DAP3: variants seen among roughly 807,000 people sequenced by gnomAD.
DAP3 encodes death associated protein 3, also known as small ribosomal subunit protein mS29.
DAP3 carries 28 observed loss-of-function variants against 51.9 expected under a neutral mutation model. The observed-to-expected ratio is 0.54, with a 90% CI of 0.40 to 0.74. The LOEUF (loss-of-function observed/expected upper bound fraction) is 0.74, where lower values mean the gene tolerates loss of function less well. Ranked by LOEUF, DAP3 falls within the 30% of genes least tolerant of loss-of-function variation. The pLI is 0.00. For missense variants in DAP3, 458 were observed against 483.5 expected (o/e 0.95, Z 0.49); for synonymous variants, 170 against 170.3 (o/e 1.00, Z 0.01).
chr1:155,688,437 GT>G, upstream of DAP3: 1 of 1,547,780 alleles, frequency 6.5e-7, no homozygotes. Flanking sequence ...CTTCCCCACG[GT>G]CCCCCGCTTC....
chr1:155,688,750 GC>G, upstream of DAP3: 1 of 1,518,016 alleles, frequency 6.6e-7, no homozygotes, highest in Non-Finnish European at 8.8e-7. Flanking sequence ...CGCCAAAGCA[GC>G]CGCCGCCAGC....
At chr1:155,730,371 C>T (rs1659115021) in intron 9 of DAP3, among the ~76,000 whole-genome samples, 1 of 151,722 alleles carries the variant, frequency 6.6e-6, no homozygotes. Flanking sequence ...TTTAGGAGGC[C>T]AAGAGGTGAT....
intron 1 of DAP3, among the ~76,000 whole-genome samples, chr1:155,692,353 C>G (rs1248022918): frequency 7.1e-6 from 1 of 141,722 alleles, no homozygotes; most frequent in Admixed American, 6.6e-5. Flanking sequence ...TGCAGGCACC[C>G]TGTAAGCCTT....
intron 1 of DAP3, among the ~76,000 whole-genome samples, chr1:155,708,041 A>T (rs1258204749): frequency 1.3e-5 from 2 of 151,688 alleles, no homozygotes; most frequent in Non-Finnish European, 2.9e-5. Context: ...TACATGTAGA[A>T]GTTTTGGTTT....
intron 12 of DAP3, 98 bp from the exon 13 acceptor site, chr1:155,738,059 C>A: frequency 8.8e-7 from 1 of 1,132,108 alleles, no homozygotes; most frequent in Non-Finnish European, 1.3e-6. Context: ...TACCTCAGAA[C>A]GTAATTTGGA....
At chr1:155,687,986 G>T, upstream of DAP3, 1 of 1,425,804 alleles carries the variant, frequency 7.0e-7, no homozygotes, top group Non-Finnish European at 9.5e-7. Flanking sequence ...AGGTCCGGGA[G>T]ATGACAGTGG....
At chr1:155,709,685 C>T (rs1304944045) in intron 1 of DAP3, 88 bp from the exon 2 acceptor site, 1 of 1,039,128 alleles carries the variant, frequency 9.6e-7, no homozygotes, top group Non-Finnish European at 1.4e-6. Flanking sequence ...GATTATTAAT[C>T]CCTATTAATC....
chr1:155,688,893 T>A, upstream of DAP3: 1 of 1,612,328 alleles, frequency 6.2e-7, no homozygotes, highest in Non-Finnish European at 8.5e-7. Flanking sequence ...TTGACTGGAA[T>A]TGCCAGGGTG....
At chr1:155,688,728 G>A, upstream of DAP3, 1 of 1,517,284 alleles carries the variant, frequency 6.6e-7, no homozygotes, top group South Asian at 1.2e-5. Flanking sequence ...CGCCCGCACG[G>A]CCACCAACCG....
chr1:155,688,340 C>G, upstream of DAP3: 2 of 1,549,874 alleles, frequency 1.3e-6, no homozygotes. Context: ...GCGGCGGCAG[C>G]AGAGTGGCCG....
chr1:155,730,213 T>A (rs1659085997), intron 9 of DAP3, among the ~76,000 whole-genome samples: 2 of 148,540 alleles, frequency 1.3e-5, no homozygotes, highest in African/African-American at 4.9e-5. Flanking sequence ...TATATATGTA[T>A]ATATAATATT....
In DAP3 at chr1:155,690,596, A is replaced by G. The variant is rs1329271981; in HGVS notation, c.-8+1422A>G. ...TGAGGAAATGCAAATAAAGTCTGCA[A>G]TTTTTAAATAGTATTGTACCAGCTT... On this transcript the variant is annotated intron_variant, in intron 1 of 12. Coordinates refer to ENST00000368336, the MANE Select transcript of DAP3 (RefSeq NM_004632.4). 4.2e-5 allele frequency among the ~76,000 whole-genome samples: 6 copies of G among 142,216 alleles called. 2 individuals are homozygous for G. The highest frequency in any genetic ancestry group is 1.6e-4 in the African/African-American group (5 of 31,664). 93.3% of individuals were successfully genotyped at this position (142,216 alleles called of 152,430 possible).
At chr1:155,697,203 G>T (rs1654639947) in intron 1 of DAP3, among the ~76,000 whole-genome samples, 1 of 152,172 alleles carries the variant, frequency 6.6e-6, no homozygotes, top group South Asian at 2.1e-4. Flanking sequence ...ATAGTGAACT[G>T]CAGGTTGGGC....
chr1:155,716,948 CAA>C (rs377724521), intron 2 of DAP3, 56 bp from the exon 3 acceptor site: 14,047 of 1,345,662 alleles, frequency 0.01, no homozygotes, highest in South Asian at 0.026. Flanking sequence ...AACTCCATCT[CAA>C]AAAAAAAAAA....
intron 4 of DAP3, among the ~76,000 whole-genome samples, chr1:155,724,978 T>G (rs1392332216): frequency 1.3e-5 from 2 of 152,012 alleles, no homozygotes; most frequent in African/African-American, 4.8e-5. Flanking sequence ...GAAAAAAAAT[T>G]TAAAGAGTTA....
At chr1:155,702,305 TA>T (rs1440591336) in intron 1 of DAP3, among the ~76,000 whole-genome samples, 3 of 143,066 alleles carry the variant, frequency 2.1e-5, no homozygotes, top group Admixed American at 6.7e-5. Context: ...CCGTCTCTAC[TA>T]AAAAAAATAC....
intron 1 of DAP3, among the ~76,000 whole-genome samples, chr1:155,704,751 G>T (rs1447455039): frequency 6.6e-6 from 1 of 152,026 alleles, no homozygotes; most frequent in African/African-American, 2.4e-5. Flanking sequence ...GGGCTGAGGC[G>T]GGAGGATCAC....
chr1:155,693,591 A>G (rs1353125018), intron 1 of DAP3, among the ~76,000 whole-genome samples: 1 of 142,052 alleles, frequency 7.0e-6, no homozygotes. Flanking sequence ...TGGTACAATT[A>G]ACTGCAAAGG....
chr1:155,700,529 G>GCC (rs1370634741), intron 1 of DAP3, among the ~76,000 whole-genome samples: 2 of 149,542 alleles, frequency 1.3e-5, no homozygotes, highest in African/African-American at 4.9e-5. Context: ...GGGGCGGTCA[G>GCC]CCCCCCGCCC....
Sources: gnomAD v4.1 joint callset for allele counts (sites outside exome capture counted in the v4.1 genomes callset) on GRCh38, gnomAD v4.1.1 for gene constraint, MANE v1.5 for transcripts, NCBI Gene and HGNC (gene_info 2026-07-23, HGNC 2026-07-21) for gene names.